RB1: variants seen among roughly 807,000 people sequenced by gnomAD.
RB1 encodes retinoblastoma-associated protein.
In RB1, 18 loss-of-function variants were observed where a neutral mutation model predicts 135.4. The ratio of observed to expected loss-of-function variants is 0.13; its 90% CI spans 0.09 to 0.20. RB1 has a LOEUF of 0.20. RB1 is among the 10% of genes least tolerant of loss of function. The pLI is 1.00. For missense variants in RB1, 868 were observed against 1,110.0 expected, an observed-to-expected ratio of 0.78 and a Z score of 3.10; for synonymous variants, 365 against 373.2, an observed-to-expected ratio of 0.98 and a Z score of 0.25.
At chr13:48,331,333 C>T (rs1052551715) in intron 2 of RB1, among the ~76,000 whole-genome samples, 2 of 152,112 alleles carry the variant, frequency 1.3e-5, no homozygotes, top group Admixed American at 6.5e-5. Context: ...ATGTTTTCCC[C>T]CTCTAAAACT....
chr13:48,428,615 C>T (rs1422615754), intron 17 of RB1, among the ~76,000 whole-genome samples: 21 of 152,214 alleles, frequency 1.4e-4, no homozygotes, highest in Admixed American at 1.4e-3. Flanking sequence ...CTTTTTAAAA[C>T]ACTAAATTCT....
In RB1 at chr13:48,350,934, G is replaced by A. The variant is rs151081967; in HGVS notation, c.607+1911G>A. Among the ~76,000 whole-genome samples the A allele has an allele frequency of 1.1e-3, 169 of 152,292 alleles. 2 individuals carry two copies. In the East Asian group the frequency reaches 0.03, roughly 27 times the overall value. ...CTCATTCTTTTTTATGGGCTGCATA[G>A]AATTCCATGGTATATATGTACCACA... is the stretch of plus-strand genomic sequence containing the variant. On this transcript the variant is annotated intron_variant, in intron 6 of 26. Transcript: ENST00000267163.
At chr13:48,454,785 A>G (rs540968369) in intron 18 of RB1, among the ~76,000 whole-genome samples, 66 of 152,370 alleles carry the variant, frequency 4.3e-4, no homozygotes, top group South Asian at 1.7e-3. Flanking sequence ...CATGATGTGC[A>G]TTCCAGGCAG....
At chr13:48,398,494 A>T (rs1008091044) in intron 17 of RB1, among the ~76,000 whole-genome samples, 5 of 151,852 alleles carry the variant, frequency 3.3e-5, no homozygotes, top group African/African-American at 9.7e-5. Flanking sequence ...TTTCTTTCTC[A>T]ATAGTTTGAT....
intron 2 of RB1, among the ~76,000 whole-genome samples, chr13:48,315,305 G>A (rs1229859059): frequency 1.3e-5 from 2 of 152,278 alleles, no homozygotes; most frequent in East Asian, 3.9e-4. Flanking sequence ...GCTATTGTGA[G>A]TGGGTTGCAT....
intron 2 of RB1, among the ~76,000 whole-genome samples, chr13:48,316,010 TG>T (rs889360770): frequency 5.9e-5 from 9 of 152,198 alleles, no homozygotes; most frequent in Non-Finnish European, 1.3e-4. Context: ...CAACATCTAT[TG>T]TTTTTTTACT....
intron 6 of RB1, among the ~76,000 whole-genome samples, 158 bp from the exon 7 acceptor site, chr13:48,359,858 GA>G (rs940872881): frequency 2.0e-5 from 3 of 148,818 alleles, no homozygotes; most frequent in Non-Finnish European, 4.5e-5. Flanking sequence ...TTTTAAAACA[GA>G]TTTTTTTTTT....
At chr13:48,370,842 G>T (rs989366763) in intron 11 of RB1, among the ~76,000 whole-genome samples, 1 of 152,186 alleles carries the variant, frequency 6.6e-6, no homozygotes, top group Non-Finnish European at 1.5e-5. Flanking sequence ...GGGGCTGAAG[G>T]TTCCAACCCT....
chr13:48,369,033 T>A (rs1952732603), intron 11 of RB1, among the ~76,000 whole-genome samples: 1 of 152,110 alleles, frequency 6.6e-6, no homozygotes, highest in African/African-American at 2.4e-5. Flanking sequence ...TATATAATCT[T>A]TGTGTGCTGG....
chr13:48,380,538 G>T (rs566270486), intron 16 of RB1, among the ~76,000 whole-genome samples: 74 of 152,232 alleles, frequency 4.9e-4, no homozygotes, highest in South Asian at 1.7e-3. Context: ...AGATTGTAGA[G>T]TGCCAAAGGA....
intron 8 of RB1, among the ~76,000 whole-genome samples, chr13:48,364,492 GTA>G (rs1302660292): frequency 2.0e-5 from 3 of 152,096 alleles, no homozygotes; most frequent in Non-Finnish European, 4.4e-5. Context: ...TATTTAGTAT[GTA>G]TATATAGTAC....
intron 2 of RB1, among the ~76,000 whole-genome samples, chr13:48,337,537 T>G (rs574635476): frequency 1.3e-5 from 2 of 152,348 alleles, no homozygotes; most frequent in African/African-American, 4.8e-5. Context: ...GCTTGGTAGA[T>G]CTTCCTCCAT....
At chr13:48,368,776 C>T (rs1320047468) in intron 11 of RB1, among the ~76,000 whole-genome samples, 172 bp downstream of exon 11, 11 of 152,100 alleles carry the variant, frequency 7.2e-5, no homozygotes, top group African/African-American at 1.2e-4. Flanking sequence ...GAGGCCAAGG[C>T]GGGCAGATCA....
chr13:48,364,363 G>C lies in RB1; in HGVS notation c.862-531G>C, dbSNP rs138336564. ...TACAAAACTGTAGCTGCAGATGCCT[G>C]CTGTTTCAGGCGGACGATTTTTGTT... On this transcript the variant is annotated intron_variant, in intron 8 of 26. Transcript: ENST00000267163. 2.0e-5 allele frequency among the ~76,000 whole-genome samples: 3 copies of C among 152,230 alleles called. No homozygotes were observed. The East Asian group carries it at 5.8e-4, about 29-fold the overall frequency.
intron 2 of RB1, chr13:48,317,062 C>T: frequency 2.7e-6 from 2 of 736,890 alleles, no homozygotes; most frequent in Non-Finnish European, 2.0e-6. Flanking sequence ...CCTGTCTGTG[C>T]CTTGCTGCTT....
intron 2 of RB1, chr13:48,318,402 G>A: frequency 2.0e-6 from 3 of 1,499,862 alleles, no homozygotes; most frequent in South Asian, 1.2e-5. Context: ...CTTGATGGCC[G>A]TGTCCAGGTC....
intron 9 of RB1, among the ~76,000 whole-genome samples, chr13:48,365,529 G>A (rs1702219102): frequency 6.6e-6 from 1 of 152,132 alleles, no homozygotes; most frequent in Non-Finnish European, 1.5e-5. Context: ...TTTCCAATGA[G>A]AACAGAATAA....
chr13:48,350,758 G>A (rs1952540547), intron 6 of RB1, among the ~76,000 whole-genome samples: 1 of 152,048 alleles, frequency 6.6e-6, no homozygotes, highest in Non-Finnish European at 1.5e-5. Context: ...AGACCCCAGT[G>A]CCTGTTGTTT....
At chr13:48,377,132 G>A (rs1952834750) in intron 13 of RB1, 98 bp downstream of exon 13, 53 of 1,274,500 alleles carry the variant, frequency 4.2e-5, no homozygotes, top group Non-Finnish European at 5.8e-5. Flanking sequence ...TATTTGTCTA[G>A]TAGTATAAAA....
Sources: gnomAD v4.1 joint callset for allele counts (sites outside exome capture counted in the v4.1 genomes callset) on GRCh38, gnomAD v4.1.1 for gene constraint, MANE v1.5 for transcripts, NCBI Gene and HGNC (gene_info 2026-07-23, HGNC 2026-07-21) for gene names.